Variants in SCOC observed in about 807,000 individuals in gnomAD.
The protein encoded by SCOC is short coiled-coil protein.
Under a neutral mutation model 9.9 loss-of-function variants are expected in SCOC, and 7 were observed. The observed-to-expected ratio is 0.71, with a 90% CI of 0.40 to 1.33. The LOEUF (loss-of-function observed/expected upper bound fraction) is 1.33. Among genes scored for constraint, SCOC ranks in the 40% most tolerant of loss-of-function variants. The pLI, the probability that SCOC is intolerant of heterozygous loss-of-function variation, is 0.01. For missense variants in SCOC, 66 were observed against 89.7 expected (o/e 0.74, Z 1.07); for synonymous variants, 19 against 28.2 (o/e 0.67, Z 1.03).
In SCOC at chr4:140,343,709, G is replaced by GT; in HGVS notation, c.70+2dup. The stretch of plus-strand genomic sequence containing the variant: ...AACATTTCTCTTGCAGATGACATAG[G>GT]TAAGGAAAAAATGGATAACTTCTCA... On this transcript the variant is annotated splice_donor_variant, in intron 2 of 4. Coordinates refer to the SCOC transcript ENST00000338517. LOFTEE classifies it high-confidence loss of function. 6.2e-7 allele frequency: 1 copy of GT among 1,609,518 alleles called. No individual in the cohort carries two copies. Among genetic ancestry groups the GT allele is most frequent in the Non-Finnish European group, 8.5e-7 (1 of 1,176,284 alleles).
chr4:140,293,151 G>A (rs1731525098), intron 1 of SCOC: 5 of 385,300 alleles, frequency 1.3e-5, no homozygotes, highest in South Asian at 9.7e-5. Context: ...TCAGAAGTCT[G>A]AATCATTGCA....
At chr4:140,288,443 T>C (rs1731364681) in intron 1 of SCOC, among the ~76,000 whole-genome samples, 1 of 133,018 alleles carries the variant, frequency 7.5e-6, no homozygotes, top group Non-Finnish European at 1.5e-5. Flanking sequence ...ATCACACATG[T>C]ACACATCACA....
chr4:140,381,651 G>A lies in SCOC; in HGVS notation c.*547G>A. 6.6e-6 allele frequency: 1 copy of A among 152,186 alleles called. No individual in the cohort carries two copies. The highest frequency in any genetic ancestry group is 1.5e-5 in the Non-Finnish European group (1 of 68,044). 9.4% of individuals were successfully genotyped at this position (152,186 alleles called of 1,614,324 possible). Reference sequence around the variant, plus strand: ...TGAAACTTAACCAAAATAAGATACTGTCTCAGCTAGGGCTTGTCATTTGTG... The same window carrying A: ...TGAAACTTAACCAAAATAAGATACTATCTCAGCTAGGGCTTGTCATTTGTG... On this transcript the variant is annotated 3_prime_UTR_variant, in exon 4 of 4. Transcript: ENST00000608372.
intron 1 of SCOC, among the ~76,000 whole-genome samples, chr4:140,271,234 G>A (rs1730838914): frequency 6.6e-6 from 1 of 152,212 alleles, no homozygotes; most frequent in Non-Finnish European, 1.5e-5. Flanking sequence ...TGCTGGGTGG[G>A]TCTTGAAAGT....
At chr4:140,372,115 G>C (rs1728081573), upstream of SCOC, among the ~76,000 whole-genome samples, 1 of 152,202 alleles carries the variant, frequency 6.6e-6, no homozygotes. Flanking sequence ...GAGGGGAATA[G>C]GAAATGGAGA....
At chr4:140,310,899 T>C (rs1179952445) in intron 1 of SCOC, among the ~76,000 whole-genome samples, 1 of 152,216 alleles carries the variant, frequency 6.6e-6, no homozygotes, top group Non-Finnish European at 1.5e-5. Flanking sequence ...TGTTCCAGTG[T>C]AGAGACATAG....
At chr4:140,332,895 T>C (rs1025115567) in intron 1 of SCOC, among the ~76,000 whole-genome samples, 1 of 152,082 alleles carries the variant, frequency 6.6e-6, no homozygotes, top group Non-Finnish European at 1.5e-5. Flanking sequence ...CTTTAACCAG[T>C]GTCTATTTTC....
intron 2 of SCOC, among the ~76,000 whole-genome samples, chr4:140,345,845 C>G (rs945561007): frequency 2.6e-5 from 4 of 152,138 alleles, no homozygotes; most frequent in Non-Finnish European, 4.4e-5. Flanking sequence ...AGAAAGGAAG[C>G]ATTTCTCAAA....
At position 140,348,150 on chromosome 4, in the gene SCOC, T is replaced by G. The variant is rs903537089; in HGVS notation, c.70+4442T>G. Among the ~76,000 whole-genome samples, 4 of 152,230 alleles carry G rather than the reference T, an allele frequency of 2.6e-5. No individual in the cohort carries two copies. In the East Asian group the frequency reaches 5.8e-4, roughly 22 times the overall value. The stretch of plus-strand genomic sequence containing the variant: ...TATAATTTACCTCACATAGTTATTT[T>G]TTTTAGTGGTGAGAACACTTAAAAT... On this transcript the variant is annotated intron_variant, in intron 2 of 4. Transcript: ENST00000338517.
upstream of SCOC, among the ~76,000 whole-genome samples, chr4:140,369,922 A>G (rs1434920602): frequency 2.9e-4 from 33 of 112,058 alleles, 1 homozygote; most frequent in Non-Finnish European, 5.0e-5. Flanking sequence ...CTTGTTGTCC[A>G]GGTTGGAGTG....
chr4:140,328,456 C>T (rs1433779205), intron 1 of SCOC, among the ~76,000 whole-genome samples: 4 of 152,162 alleles, frequency 2.6e-5, no homozygotes, highest in African/African-American at 9.7e-5. Context: ...TTCGAGTCGA[C>T]CTCTGTGCCC....
intron 2 of SCOC, chr4:140,366,642 G>A: frequency 6.2e-7 from 1 of 1,604,378 alleles, no homozygotes; most frequent in Admixed American, 1.7e-5. Flanking sequence ...AGGCTTGTCT[G>A]ACATACTTCT....
intron 1 of SCOC, among the ~76,000 whole-genome samples, chr4:140,258,770 C>T (rs1730566264): frequency 6.6e-6 from 1 of 152,192 alleles, no homozygotes; most frequent in South Asian, 2.1e-4. Context: ...GAACCAAATC[C>T]AGTGTAGAAA....
Position 140,269,484 on chromosome 4 carries a change from G to A in SCOC, c.-19+12074G>A, listed in dbSNP as rs535966673. ...CAGCTGACAGTCTCGGAGGAGCTCA[G>A]CTTCAAGCCATCCCTGCAAGGTATC... On this transcript the variant is annotated intron_variant, in intron 1 of 4. Coordinates refer to the SCOC transcript ENST00000394205. Among the ~76,000 whole-genome samples, 51 of 152,192 alleles carry A rather than the reference G, an allele frequency of 3.4e-4. 1 individual carries two copies. The South Asian group carries it at 8.5e-3, about 25-fold the overall frequency.
At chr4:140,297,104 G>C (rs1731661946) in intron 1 of SCOC, among the ~76,000 whole-genome samples, 2 of 152,138 alleles carry the variant, frequency 1.3e-5, no homozygotes. Context: ...CCCTAAGTTA[G>C]CAGCACCATT....
intron 1 of SCOC, among the ~76,000 whole-genome samples, chr4:140,375,334 T>TTGTA (rs1280994924): frequency 1.9e-4 from 29 of 152,212 alleles, no homozygotes; most frequent in African/African-American, 7.0e-4. Context: ...TGCCAACACA[T>TTGTA]TGTATCTATC....
In SCOC at chr4:140,364,042, T is replaced by C. The variant is rs536683014; in HGVS notation, c.71-15079T>C. Among the ~76,000 whole-genome samples, 14 of 152,102 alleles carry C rather than the reference T, an allele frequency of 9.2e-5. No homozygotes were observed. In the South Asian group the frequency reaches 1.0e-3, roughly 11 times the overall value. Reference sequence around the variant, plus strand: ...ATAAATGAATTCAGCTTAAGAAAGATTGTAAAAAAAGAAAAGGAAATTCAT... The same window carrying C: ...ATAAATGAATTCAGCTTAAGAAAGACTGTAAAAAAAGAAAAGGAAATTCAT... On this transcript the variant is annotated intron_variant, in intron 2 of 4. Coordinates refer to the SCOC transcript ENST00000338517.
chr4:140,299,407 C>G (rs1005706759), intron 1 of SCOC, among the ~76,000 whole-genome samples: 10 of 152,192 alleles, frequency 6.6e-5, no homozygotes, highest in Non-Finnish European at 1.5e-4. Context: ...TACCCTCACA[C>G]TTTACCATTC....
At chr4:140,323,977 A>G (rs753843227) in intron 1 of SCOC, among the ~76,000 whole-genome samples, 1 of 152,202 alleles carries the variant, frequency 6.6e-6, no homozygotes, top group Non-Finnish European at 1.5e-5. Flanking sequence ...GCTCAACAAA[A>G]TATTAGCAAA....
Sources: allele counts gnomAD v4.1 joint callset (sites outside exome capture counted in the v4.1 genomes callset), GRCh38; gene constraint gnomAD v4.1.1; transcripts MANE v1.5; gene names NCBI Gene and HGNC (gene_info 2026-07-23, HGNC 2026-07-21).